The following SMAD2 variants were observed in gnomAD, a reference collection of about 807,000 sequenced individuals.
SMAD2 encodes the protein MAD homolog 2.
Under a neutral mutation model 64.4 loss-of-function variants are expected in SMAD2, and 8 were observed. The ratio of observed to expected loss-of-function variants is 0.12; its 90% CI spans 0.07 to 0.22. The LOEUF (loss-of-function observed/expected upper bound fraction) is 0.22, where lower values mean the gene tolerates loss of function less well. Among genes scored for constraint, SMAD2 ranks in the 10% least tolerant of loss-of-function variants. SMAD2 has a pLI of 1.00. For synonymous variants in SMAD2, 203 were observed against 195.8 expected, an observed-to-expected ratio of 1.04 and a Z score of -0.31; for missense variants, 289 against 561.2, an observed-to-expected ratio of 0.51 and a Z score of 4.90.
intron 4 of SMAD2, 145 bp downstream of exon 4, chr18:47,869,098 T>G: frequency 1.6e-6 from 1 of 623,174 alleles, no homozygotes; most frequent in Non-Finnish European, 2.8e-6. Flanking sequence ...ATAAAAAAAT[T>G]TTAATTACCA....
chr18:47,837,130 G>C lies in SMAD2; in HGVS notation c.*4697C>G. On this transcript the variant is annotated 3_prime_UTR_variant, in exon 11 of 11. Transcript: ENST00000262160. ...GACATTTACTGAACAGAATTTTTGA[G>C]CCATTTGTAAAATTAAAATGATTGA... is the stretch of plus-strand genomic sequence containing the variant. 4.9e-6 allele frequency: 1 copy of C among 202,336 alleles called. No individual in the cohort carries two copies. The highest frequency in any genetic ancestry group is 1.0e-5 in the Non-Finnish European group (1 of 98,458). 12.5% of individuals were successfully genotyped at this position (202,336 alleles called of 1,614,324 possible). A position where few individuals can be genotyped will look rare whatever the true frequency, so the allele number is the denominator to read the frequency against.
At chr18:47,899,904 A>T (rs1352940126) in intron 1 of SMAD2, among the ~76,000 whole-genome samples, 1 of 152,168 alleles carries the variant, frequency 6.6e-6, no homozygotes, top group East Asian at 1.9e-4. Context: ...ATATCCTTTA[A>T]GAACCCATAA....
At chr18:47,929,022 T>C (rs1397266681) in intron 1 of SMAD2, among the ~76,000 whole-genome samples, 1 of 152,224 alleles carries the variant, frequency 6.6e-6, no homozygotes, top group Non-Finnish European at 1.5e-5. Context: ...GAATTTAATA[T>C]AAACGTTTGC....
intron 7 of SMAD2, among the ~76,000 whole-genome samples, chr18:47,850,147 TAC>T (rs1438367243): frequency 6.2e-5 from 8 of 128,034 alleles, no homozygotes. Context: ...ACCATACACA[TAC>T]ACATTTGTAC....
At chr18:47,903,182 G>C (rs2033756408) in intron 1 of SMAD2, among the ~76,000 whole-genome samples, 1 of 152,168 alleles carries the variant, frequency 6.6e-6, no homozygotes, top group African/African-American at 2.4e-5. Context: ...GCTGCCAAGG[G>C]CTGCGGTAGG....
At chr18:47,879,154 A>T (rs1019709753) in intron 2 of SMAD2, among the ~76,000 whole-genome samples, 1 of 152,160 alleles carries the variant, frequency 6.6e-6, no homozygotes, top group Non-Finnish European at 1.5e-5. Flanking sequence ...AGATAACACA[A>T]ATCTAGACAC....
At chr18:47,846,580 G>C (rs1263727147) in intron 8 of SMAD2, among the ~76,000 whole-genome samples, 2 of 152,122 alleles carry the variant, frequency 1.3e-5, no homozygotes. Context: ...GTGATTCAAA[G>C]CATGAAAGGT....
chr18:47,920,944 C>T (rs1010809963), intron 1 of SMAD2, among the ~76,000 whole-genome samples: 2 of 152,194 alleles, frequency 1.3e-5, no homozygotes, highest in African/African-American at 4.8e-5. Context: ...CGCTTGAGCC[C>T]AGGAGTTCAA....
intron 2 of SMAD2, among the ~76,000 whole-genome samples, chr18:47,875,228 T>G (rs1334731953): frequency 6.6e-6 from 1 of 152,126 alleles, no homozygotes; most frequent in African/African-American, 2.4e-5. Context: ...ACGAGGTCAA[T>G]TTTTAAGATG....
chr18:47,925,612 T>C (rs1445007448), intron 1 of SMAD2, among the ~76,000 whole-genome samples: 1 of 152,160 alleles, frequency 6.6e-6, no homozygotes, highest in Non-Finnish European at 1.5e-5. Context: ...ACTGAATACA[T>C]CACAATTACA....
At chr18:47,908,495 T>A (rs1598877630) in intron 1 of SMAD2, among the ~76,000 whole-genome samples, 2 of 152,248 alleles carry the variant, frequency 1.3e-5, no homozygotes, top group East Asian at 3.9e-4. Flanking sequence ...AAAGGTATGT[T>A]ATAAAGCATA....
chr18:47,911,220 G>A (rs1207353494), intron 1 of SMAD2, among the ~76,000 whole-genome samples: 7 of 151,886 alleles, frequency 4.6e-5, no homozygotes, highest in African/African-American at 9.7e-5. Flanking sequence ...GCGTGGTGGC[G>A]AGTGCCTGTA....
intron 2 of SMAD2, among the ~76,000 whole-genome samples, chr18:47,887,173 C>A (rs1442729411): frequency 6.6e-6 from 1 of 152,196 alleles, no homozygotes; most frequent in Non-Finnish European, 1.5e-5. Flanking sequence ...CCTGTCTGCA[C>A]AAAATCCCAA....
intron 2 of SMAD2, among the ~76,000 whole-genome samples, chr18:47,882,175 C>T (rs1376751076): frequency 2.1e-5 from 3 of 141,788 alleles, no homozygotes; most frequent in East Asian, 4.3e-4. Context: ...CATAAGCCAT[C>T]GCATCTGACC....
chr18:47,908,452 A>G (rs150889743), intron 1 of SMAD2, among the ~76,000 whole-genome samples: 298 of 152,348 alleles, frequency 2.0e-3, no homozygotes, highest in African/African-American at 6.9e-3. Context: ...CTCATAAACC[A>G]GGTAGCCTAG....
intron 6 of SMAD2, among the ~76,000 whole-genome samples, chr18:47,859,190 C>A (rs897034641): frequency 6.6e-6 from 1 of 151,776 alleles, no homozygotes; most frequent in Non-Finnish European, 1.5e-5. Context: ...TAAAGACACA[C>A]GAAGCAAAAA....
rs1252597752 is a variant in SMAD2, at chr18:47,813,874, A to C, written c.*27953T>G. 1 of 152,056 alleles carries C rather than the reference A, an allele frequency of 6.6e-6. No homozygotes were observed. The highest frequency in any genetic ancestry group is 1.5e-5 in the Non-Finnish European group (1 of 68,036). 9.4% of individuals were successfully genotyped at this position (152,056 alleles called of 1,614,324 possible). ...GGCAGAACAAAGCTCATAATTTAACAAGAAAGGTAGGCATAGATAGGCCTA... is the reference window on the plus strand; with the variant it reads ...GGCAGAACAAAGCTCATAATTTAACCAGAAAGGTAGGCATAGATAGGCCTA... On this transcript the variant is annotated 3_prime_UTR_variant, in exon 11 of 11. Transcript: ENST00000262160.
At chr18:47,900,645 A>AC (rs2033647523) in intron 1 of SMAD2, among the ~76,000 whole-genome samples, 2 of 151,894 alleles carry the variant, frequency 1.3e-5, no homozygotes, top group Admixed American at 1.3e-4. Context: ...TTATTTCTTT[A>AC]CTTCTACTGT....
chr18:47,837,288 C>G lies in SMAD2; in HGVS notation c.*4539G>C, dbSNP rs534370636. The G allele has an allele frequency of 1.0e-5, 2 of 193,406 alleles. No individual in the cohort carries two copies. Among genetic ancestry groups the G allele is most frequent in the Non-Finnish European group, 2.2e-5 (2 of 92,976 alleles). The allele number at this position is 193,406 out of a possible 1,614,324, so 12.0% of individuals were successfully genotyped here. On this transcript the variant is annotated 3_prime_UTR_variant, in exon 11 of 11. Coordinates refer to ENST00000262160, the MANE Select transcript of SMAD2 (RefSeq NM_005901.6). ...CAGATAAAAATATGGCTAGGCTGGG[C>G]GCGGTGGCTCATGCCTGTAATCCCA...
Sources: gnomAD v4.1 joint callset for allele counts (sites outside exome capture counted in the v4.1 genomes callset) on GRCh38, gnomAD v4.1.1 for gene constraint, MANE v1.5 for transcripts, NCBI Gene and HGNC (gene_info 2026-07-23, HGNC 2026-07-21) for gene names.